ST3GAL2: variants seen among roughly 807,000 people sequenced by gnomAD.
The protein encoded by ST3GAL2 is ST3 beta-galactoside alpha-2,3-sialyltransferase 2.
A neutral mutation model predicts 37.5 loss-of-function variants in ST3GAL2; 16 were observed. The observed-to-expected ratio is 0.43, with a 90% confidence interval of 0.29 to 0.65. The LOEUF (loss-of-function observed/expected upper bound fraction) is 0.65, where lower values mean the gene tolerates loss of function less well. ST3GAL2 is among the 30% of genes least tolerant of loss of function. The pLI, the probability that ST3GAL2 is intolerant of heterozygous loss-of-function variation, is 0.17. For synonymous variants in ST3GAL2, 238 were observed against 202.9 expected (o/e 1.17, Z -1.47); for missense variants, 383 against 487.8 (o/e 0.79, Z 2.02).
intron 1 of ST3GAL2, among the ~76,000 whole-genome samples, chr16:70,419,416 G>C (rs1187014575): frequency 6.6e-6 from 1 of 152,206 alleles, no homozygotes; most frequent in African/African-American, 2.4e-5. Context: ...CCATAAGACA[G>C]GGGCCCCGGC....
chr16:70,417,019 G>A (rs113644533), intron 1 of ST3GAL2, among the ~76,000 whole-genome samples: 5 of 152,322 alleles, frequency 3.3e-5, no homozygotes, highest in Admixed American at 6.5e-5. Context: ...TGAACAAAGT[G>A]CGTAGAAAAA....
chr16:70,402,569 G>A (rs2047563465), intron 1 of ST3GAL2, among the ~76,000 whole-genome samples: 1 of 152,184 alleles, frequency 6.6e-6, no homozygotes, highest in African/African-American at 2.4e-5. Flanking sequence ...CTCTGGAGGG[G>A]GAAGAGAGGT....
rs1375570388 is a variant in ST3GAL2, at chr16:70,399,066, C to T, written c.-536G>A. The stretch of plus-strand genomic sequence containing the variant: ...CTTGGGTTCCATGCAAGTGTTGTCC[C>T]ACCTCCTGGCCCAAAACCTCTGCCA... On this transcript the variant is annotated 5_prime_UTR_variant, in exon 2 of 7. Transcript: ENST00000342907. 2.5e-6 allele frequency: 1 copy of T among 400,990 alleles called. No homozygotes were observed. The highest frequency in any genetic ancestry group is 4.3e-5 in the Admixed American group (1 of 23,240). The allele number at this position is 400,990 out of a possible 1,614,324, so 24.8% of individuals were successfully genotyped here.
chr16:70,380,934 G>A lies in ST3GAL2; in HGVS notation c.*755C>T, dbSNP rs1281202452. On this transcript the variant is annotated 3_prime_UTR_variant, in exon 7 of 7. Coordinates refer to ENST00000342907, the MANE Select transcript of ST3GAL2 (RefSeq NM_006927.4). ...CCTCCGGCCCAGGGAGAGGCGCTGA[G>A]AAGGCTGCGGGTGAACGGGAGGGTC... The A allele has an allele frequency of 6.5e-6, 1 of 153,716 alleles. No individual in the cohort carries two copies. Among genetic ancestry groups the A allele is most frequent in the Non-Finnish European group, 1.4e-5 (1 of 69,192 alleles). 9.5% of individuals were successfully genotyped at this position (153,716 alleles called of 1,614,324 possible).
At chr16:70,417,690 G>A (rs1187777960) in intron 1 of ST3GAL2, among the ~76,000 whole-genome samples, 1 of 152,208 alleles carries the variant, frequency 6.6e-6, no homozygotes, top group Admixed American at 6.5e-5. Flanking sequence ...GAAGGTAGGA[G>A]AGAGGGGGAT....
At chr16:70,383,915 C>T (rs552575193) in intron 4 of ST3GAL2, among the ~76,000 whole-genome samples, 1 of 151,930 alleles carries the variant, frequency 6.6e-6, no homozygotes, top group South Asian at 2.1e-4. Context: ...CCTCCCCTAG[C>T]TCTCTGCTCC....
chr16:70,426,188 T>TG (rs910092019), intron 1 of ST3GAL2, among the ~76,000 whole-genome samples: 69 of 140,666 alleles, frequency 4.9e-4, no homozygotes, highest in African/African-American at 1.7e-3. Context: ...AGCCTTTTTT[T>TG]TTTTTTTTTT....
intron 1 of ST3GAL2, among the ~76,000 whole-genome samples, chr16:70,420,960 C>T (rs944331329): frequency 1.4e-4 from 22 of 152,226 alleles, no homozygotes; most frequent in African/African-American, 4.8e-4. Flanking sequence ...AACAGGGACC[C>T]TGGAAGTTCC....
At position 70,380,249 on chromosome 16, in the gene ST3GAL2, AACCCT is replaced by A. The variant is rs1224660275; in HGVS notation, c.*1435_*1439del. 2 of 152,092 alleles carry A rather than the reference AACCCT, an allele frequency of 1.3e-5. No homozygotes were observed. The highest frequency in any genetic ancestry group is 4.8e-5 in the African/African-American group (2 of 41,404). 9.4% of individuals were successfully genotyped at this position (152,092 alleles called of 1,614,324 possible). A position where few individuals can be genotyped will look rare whatever the true frequency, so the allele number is the denominator to read the frequency against. Reference sequence around the variant, plus strand: ...CTTTCAGGGGCCCACTGCCCATCCCAACCCTCCCCTAACAAAGTCCCCTGCCGGTC... The same window carrying A: ...CTTTCAGGGGCCCACTGCCCATCCCACCCCTAACAAAGTCCCCTGCCGGTC... On this transcript the variant is annotated 3_prime_UTR_variant, in exon 7 of 7. Coordinates refer to ENST00000342907, the MANE Select transcript of ST3GAL2 (RefSeq NM_006927.4).
Position 70,381,272 on chromosome 16 carries a change from C to A in ST3GAL2, c.*417G>T. 1 of 172,620 alleles carries A rather than the reference C, an allele frequency of 5.8e-6. No homozygotes were observed. Among genetic ancestry groups the A allele is most frequent in the Non-Finnish European group, 1.3e-5 (1 of 79,718 alleles). 10.7% of individuals were successfully genotyped at this position (172,620 alleles called of 1,614,324 possible). A position where few individuals can be genotyped will look rare whatever the true frequency, so the allele number is the denominator to read the frequency against. On this transcript the variant is annotated 3_prime_UTR_variant, in exon 7 of 7. Transcript: ENST00000342907. ...CCCGCAAAGACCGCCCGCTCTCCTC[C>A]AGGTCTGGCCAGCTACTAAGACGAT...
Position 70,376,535 on chromosome 16 carries a change from TG to T in ST3GAL2, c.*5153del, listed in dbSNP as rs1202195690. 1 of 152,216 alleles carries T rather than the reference TG, an allele frequency of 6.6e-6. No homozygotes were observed. Among genetic ancestry groups the T allele is most frequent in the African/African-American group, 2.4e-5 (1 of 41,468 alleles). 9.4% of individuals were successfully genotyped at this position (152,216 alleles called of 1,614,324 possible). The stretch of plus-strand genomic sequence containing the variant: ...GGACCTCCTCTTGGATTTTGTGGGT[TG>T]GTTGTTACCCAGGCATAGACTTGCT... On this transcript the variant is annotated 3_prime_UTR_variant, in exon 7 of 7. Transcript: ENST00000342907.
intron 1 of ST3GAL2, among the ~76,000 whole-genome samples, chr16:70,426,016 G>C (rs1231511619): frequency 6.6e-6 from 1 of 152,114 alleles, no homozygotes; most frequent in Non-Finnish European, 1.5e-5. Context: ...CAACCACAGG[G>C]AAGCCTCAGC....
At chr16:70,408,890 C>CAAAAAAAAAAAAAACAAAAAAA (rs2047613262) in intron 1 of ST3GAL2, among the ~76,000 whole-genome samples, 1 of 59,854 alleles carries the variant, frequency 1.7e-5, no homozygotes, top group African/African-American at 5.2e-5. Flanking sequence ...CTCAAAGAAA[C>CAAAAAAAAAAAAAACAAAAAAA]AAAAAAAAAA....
At chr16:70,396,783 C>T (rs1597561356) in intron 2 of ST3GAL2, among the ~76,000 whole-genome samples, 1 of 152,124 alleles carries the variant, frequency 6.6e-6, no homozygotes, top group Non-Finnish European at 1.5e-5. Flanking sequence ...CATGGCTCCA[C>T]CCATGACATG....
chr16:70,381,908 G>A (rs775623677), intron 6 of ST3GAL2, 46 bp from the exon 7 acceptor site: 10 of 1,605,276 alleles, frequency 6.2e-6, no homozygotes, highest in African/African-American at 4.0e-5. Flanking sequence ...GGGACCTGGA[G>A]GATGGCGCGG....
At chr16:70,410,215 G>A (rs1345035675) in intron 1 of ST3GAL2, among the ~76,000 whole-genome samples, 1 of 127,558 alleles carries the variant, frequency 7.8e-6, no homozygotes, top group Non-Finnish European at 1.7e-5. Context: ...CCTGACTTGG[G>A]TTGACATATT....
intron 2 of ST3GAL2, among the ~76,000 whole-genome samples, chr16:70,396,884 T>A (rs974532611): frequency 6.6e-6 from 1 of 151,978 alleles, no homozygotes; most frequent in Non-Finnish European, 1.5e-5. Flanking sequence ...AGAAAAGTGA[T>A]GACTGGAAAG....
chr16:70,433,631 C>T (rs1317041486), intron 1 of ST3GAL2, among the ~76,000 whole-genome samples: 7 of 152,086 alleles, frequency 4.6e-5, no homozygotes, highest in Admixed American at 6.5e-5. Context: ...TGAGTGAGCA[C>T]AGCTGGAGCA....
intron 1 of ST3GAL2, among the ~76,000 whole-genome samples, chr16:70,405,977 C>T (rs1265368703): frequency 6.6e-6 from 1 of 151,256 alleles, no homozygotes; most frequent in Non-Finnish European, 1.5e-5. Context: ...AGGAGAATGG[C>T]GTGAACCCGG....
Sources: allele counts gnomAD v4.1 joint callset (sites outside exome capture counted in the v4.1 genomes callset), GRCh38; gene constraint gnomAD v4.1.1; transcripts MANE v1.5; gene names NCBI Gene and HGNC (gene_info 2026-07-23, HGNC 2026-07-21).